CDH13: variants seen among roughly 807,000 people sequenced by gnomAD.
CDH13 encodes cadherin 13.
In CDH13, 24 loss-of-function variants were observed where a neutral mutation model predicts 63.8. The observed-to-expected ratio is 0.38, with a 90% CI of 0.27 to 0.53. The LOEUF (loss-of-function observed/expected upper bound fraction) is 0.53. CDH13 is among the 20% of genes least tolerant of loss of function. CDH13 has a pLI of 0.85. For synonymous variants in CDH13, 503 were observed against 355.3 expected (o/e 1.42, Z -4.67); for missense variants, 1,049 against 903.1 (o/e 1.16, Z -2.07).
chr16:83,123,255 A>G (rs1362091269), intron 3 of CDH13, among the ~76,000 whole-genome samples: 1 of 149,288 alleles, frequency 6.7e-6, no homozygotes, highest in Non-Finnish European at 1.5e-5. Flanking sequence ...TATAGATACA[A>G]ATATATATAT....
chr16:83,583,345 C>T (rs1905815363), intron 7 of CDH13, among the ~76,000 whole-genome samples: 1 of 148,280 alleles, frequency 6.7e-6, no homozygotes, highest in African/African-American at 2.5e-5. Context: ...TGGGCGACCA[C>T]CATTCAACAC....
At chr16:83,759,654 A>G (rs1322358035) in intron 11 of CDH13, among the ~76,000 whole-genome samples, 1 of 152,188 alleles carries the variant, frequency 6.6e-6, no homozygotes, top group African/African-American at 2.4e-5. Flanking sequence ...GGCCTGGTAC[A>G]GTGGCTCATG....
At chr16:82,976,440 T>C (rs1235118704) in intron 2 of CDH13, among the ~76,000 whole-genome samples, 1 of 152,222 alleles carries the variant, frequency 6.6e-6, no homozygotes, top group African/African-American at 2.4e-5. Flanking sequence ...CAGGCGCTTT[T>C]CCAGTTATCC....
intron 8 of CDH13, among the ~76,000 whole-genome samples, chr16:83,666,854 C>G (rs975661218): frequency 6.6e-6 from 1 of 151,892 alleles, no homozygotes; most frequent in Non-Finnish European, 1.5e-5. Context: ...CACACACAGA[C>G]TCCCCAAGAA....
chr16:82,837,417 C>T (rs2038814982), intron 1 of CDH13, among the ~76,000 whole-genome samples: 1 of 147,326 alleles, frequency 6.8e-6, no homozygotes, highest in Non-Finnish European at 1.5e-5. Context: ...AGACCACCCC[C>T]AGGTTCCTTG....
At chr16:83,619,769 T>C (rs1909636917) in intron 8 of CDH13, among the ~76,000 whole-genome samples, 1 of 152,240 alleles carries the variant, frequency 6.6e-6, no homozygotes, top group Non-Finnish European at 1.5e-5. Flanking sequence ...CTTGATTCTC[T>C]CTGTCAAGGT....
chr16:83,598,662 C>T (rs1373124339), intron 7 of CDH13, among the ~76,000 whole-genome samples: 1 of 152,092 alleles, frequency 6.6e-6, no homozygotes, highest in Non-Finnish European at 1.5e-5. Flanking sequence ...AATGTATTAG[C>T]TCATAGAATT....
chr16:83,678,373 G>A lies in CDH13; in HGVS notation c.1450G>A (p.Val484Met). Reference protein sequence around the residue: ...GPVFYPDPMMVTRQEDLSVGS... With the variant: ...GPVFYPDPMMMTRQEDLSVGS... ...AGTCTTCTACCCAGACCCCATGATGGTGACCAGGCAGGAGGACCTCTCTGT... is the reference window on the plus strand; with the variant it reads ...AGTCTTCTACCCAGACCCCATGATGATGACCAGGCAGGAGGACCTCTCTGT... Residue 484 changes from valine to methionine, a missense_variant, in exon 10 of 14, where the codon GTG becomes ATG. By Grantham distance (21) the Val-to-Met change is conservative (BLOSUM62 1). Coordinates refer to ENST00000567109, the MANE Select transcript of CDH13 (RefSeq NM_001257.5). 6.2e-7 allele frequency: 1 copy of A among 1,613,986 alleles called. No homozygotes were observed. Among genetic ancestry groups the A allele is most frequent in the Non-Finnish European group, 8.5e-7 (1 of 1,179,896 alleles).
chr16:82,694,125 C>T (rs879788666), intron 1 of CDH13, among the ~76,000 whole-genome samples: 2 of 152,148 alleles, frequency 1.3e-5, no homozygotes, highest in Non-Finnish European at 2.9e-5. Flanking sequence ...AATTCTGTCT[C>T]CCCAGTTAAT....
At chr16:83,311,812 C>T (rs931947994) in intron 5 of CDH13, among the ~76,000 whole-genome samples, 4 of 152,156 alleles carry the variant, frequency 2.6e-5, no homozygotes, top group African/African-American at 4.8e-5. Flanking sequence ...CAGTGGCTCA[C>T]GCCTGTAATC....
chr16:83,363,210 G>A (rs185729424), intron 6 of CDH13, among the ~76,000 whole-genome samples: 269 of 152,256 alleles, frequency 1.8e-3, no homozygotes, highest in African/African-American at 5.9e-3. Context: ...GATTTTCCTC[G>A]TATTTCTAGA....
intron 5 of CDH13, among the ~76,000 whole-genome samples, chr16:83,334,967 G>C (rs760293399): frequency 3.3e-5 from 5 of 152,092 alleles, no homozygotes; most frequent in Non-Finnish European, 7.3e-5. Context: ...TAAAAAGTAA[G>C]GGCAATGTAA....
chr16:83,332,127 C>T (rs1183162785), intron 5 of CDH13, among the ~76,000 whole-genome samples: 1 of 151,898 alleles, frequency 6.6e-6, no homozygotes, highest in South Asian at 2.1e-4. Context: ...TAAATTGTTA[C>T]AATATATAAC....
intron 3 of CDH13, among the ~76,000 whole-genome samples, chr16:83,121,218 C>T (rs1042737028): frequency 1.3e-5 from 2 of 152,164 alleles, no homozygotes; most frequent in Admixed American, 1.3e-4. Context: ...ACTAAAGTGT[C>T]TCTTACTTAG....
At chr16:82,937,101 G>C (rs2042692330) in intron 2 of CDH13, among the ~76,000 whole-genome samples, 1 of 152,256 alleles carries the variant, frequency 6.6e-6, no homozygotes, top group East Asian at 1.9e-4. Context: ...TAAGAAAATA[G>C]AAATAGTAAC....
chr16:83,761,796 G>A (rs984700461), intron 11 of CDH13, among the ~76,000 whole-genome samples: 1 of 152,206 alleles, frequency 6.6e-6, no homozygotes, highest in Non-Finnish European at 1.5e-5. Flanking sequence ...AACCAGCAAA[G>A]TGGCTCACGC....
At chr16:82,842,049 C>T (rs1288167512) in intron 1 of CDH13, among the ~76,000 whole-genome samples, 1 of 143,778 alleles carries the variant, frequency 7.0e-6, no homozygotes, top group Admixed American at 7.1e-5. Context: ...TCCCTCCCTC[C>T]CTGTATTTCT....
chr16:82,640,679 C>T (rs2150886580), intron 1 of CDH13, among the ~76,000 whole-genome samples: 1 of 152,234 alleles, frequency 6.6e-6, no homozygotes, highest in East Asian at 1.9e-4. Flanking sequence ...GGGCAGAGGC[C>T]AGCGAGGGGA....
At chr16:83,262,613 A>C (rs1443232977) in intron 5 of CDH13, among the ~76,000 whole-genome samples, 1 of 152,188 alleles carries the variant, frequency 6.6e-6, no homozygotes, top group African/African-American at 2.4e-5. Context: ...TTACCTTGGA[A>C]AGGACTGTCT....
Sources: gnomAD v4.1 joint callset for allele counts (sites outside exome capture counted in the v4.1 genomes callset) on GRCh38, gnomAD v4.1.1 for gene constraint, MANE v1.5 for transcripts, NCBI Gene and HGNC (gene_info 2026-07-23, HGNC 2026-07-21) for gene names.